The following EMSY variants were observed in gnomAD, a reference collection of about 807,000 sequenced individuals.
EMSY encodes the protein EMSY transcriptional repressor, BRCA2 interacting.
In EMSY, 26 loss-of-function variants were observed where a neutral mutation model predicts 134.6. That is an observed-to-expected ratio of 0.19 (90% CI 0.14 to 0.27). The LOEUF is 0.27. Among genes scored for constraint, EMSY ranks in the 10% least tolerant of loss-of-function variants. The pLI is 1.00. For synonymous variants in EMSY, 579 were observed against 577.8 expected (o/e 1.00, Z -0.03); for missense variants, 1,305 against 1,611.4 (o/e 0.81, Z 3.26).
intron 11 of EMSY, among the ~76,000 whole-genome samples, chr11:76,518,857 C>T (rs1186489812): frequency 3.1e-4 from 17 of 54,202 alleles, no homozygotes; most frequent in Non-Finnish European, 5.6e-4. Context: ...TATAGGCTGT[C>T]TTGTGTGTGT....
At chr11:76,496,139 T>C in intron 8 of EMSY, 76 bp from the exon 10 acceptor site, 1 of 1,441,548 alleles carries the variant, frequency 6.9e-7, no homozygotes, top group East Asian at 2.3e-5. Flanking sequence ...TAAACTATTA[T>C]CTACTATAAT....
At chr11:76,527,585 G>A (rs1950888749) in intron 13 of EMSY, among the ~76,000 whole-genome samples, 1 of 152,038 alleles carries the variant, frequency 6.6e-6, no homozygotes, top group Non-Finnish European at 1.5e-5. Context: ...GGCCCAGTTT[G>A]AAAATTTTCT....
intron 6 of EMSY, 80 bp downstream of exon 7, chr11:76,460,165 G>A: frequency 6.7e-7 from 1 of 1,499,764 alleles, no homozygotes; most frequent in South Asian, 1.2e-5. Flanking sequence ...TGCCTTCCTG[G>A]ATTAAATCAT....
exon 9 of EMSY, chr11:76,496,430 C>T (rs2135808623): frequency 1.9e-6 from 3 of 1,614,112 alleles, no homozygotes; most frequent in Non-Finnish European, 2.5e-6. Context: ...TCCTTTGCCA[C>T]CTGGTATTAA....
chr11:76,545,011 G>T, intron 19 of EMSY, 189 bp downstream of exon 20: 1 of 657,722 alleles, frequency 1.5e-6, no homozygotes, highest in Non-Finnish European at 2.5e-6. Flanking sequence ...GCATTAATAT[G>T]TAGGAAGAAA....
At chr11:76,483,972 AT>A (rs1355814029) in intron 8 of EMSY, among the ~76,000 whole-genome samples, 1 of 152,210 alleles carries the variant, frequency 6.6e-6, no homozygotes, top group African/African-American at 2.4e-5. Context: ...CATCACACTT[AT>A]TCTAAAACTG....
chr11:76,533,066 G>A (rs1590996471), intron 14 of EMSY, among the ~76,000 whole-genome samples: 2 of 152,120 alleles, frequency 1.3e-5, no homozygotes, highest in South Asian at 4.1e-4. Context: ...GGGCCTTGCT[G>A]TCTAGGCAAT....
At chr11:76,532,884 A>G (rs1304949053) in intron 14 of EMSY, among the ~76,000 whole-genome samples, 1 of 152,196 alleles carries the variant, frequency 6.6e-6, no homozygotes, top group Non-Finnish European at 1.5e-5. Flanking sequence ...GAATAAATCC[A>G]GGTTGAGCAG....
chr11:76,450,315 TCCGATAAAAG>T (rs1947606245), intron 2 of EMSY, among the ~76,000 whole-genome samples: 1 of 152,040 alleles, frequency 6.6e-6, no homozygotes. Context: ...CTATTCTGGG[TCCGATAAAAG>T]CTGAAACATG....
rs375024750 is a variant in EMSY at position 76,528,447 on chromosome 11, G to A, written c.2175G>A (p.Glu725=). 7 of 1,607,628 alleles carry A rather than the reference G, an allele frequency of 4.4e-6. No homozygotes were observed. In the African/African-American group the frequency reaches 8.0e-5, roughly 18 times the overall value. ...CAGATAGTAGTTCCTCTTCTACAGA[G>A]TCCTCCCAGAGTTCCCAAGGTAAGA... Residue 725 remains glutamate (E), a synonymous_variant, in exon 14 of 21, where the codon GAG becomes GAA. Transcript: ENST00000334736.
intron 11 of EMSY, among the ~76,000 whole-genome samples, chr11:76,518,512 G>C (rs1468403894): frequency 6.6e-6 from 1 of 151,462 alleles, no homozygotes; most frequent in South Asian, 2.1e-4. Flanking sequence ...AGACTAGAAG[G>C]CTTTAAAAAA....
Position 76,537,728 on chromosome 11 carries a change from T to A in EMSY, c.2360-67T>A, listed in dbSNP as rs998279940. The A allele has an allele frequency of 7.9e-6, 11 of 1,399,950 alleles. No homozygotes were observed. The Admixed American group carries it at 1.4e-4, about 18-fold the overall frequency. The allele number at this position is 1,399,950 out of a possible 1,614,324, so 86.7% of individuals were successfully genotyped here. On this transcript the variant is annotated intron_variant, in intron 15 of 20. Transcript: ENST00000334736. ...CCAGAGGTCTGGTTCATTATTCCTG[T>A]GGACAACTCTGGTTTTGGTACTTGT...
intron 6 of EMSY, among the ~76,000 whole-genome samples, chr11:76,462,223 T>A (rs528632539): frequency 2.0e-5 from 3 of 151,994 alleles, no homozygotes; most frequent in African/African-American, 7.2e-5. Context: ...TGGGCAACAG[T>A]GTGAGACTCC....
intron 8 of EMSY, among the ~76,000 whole-genome samples, chr11:76,488,149 T>G (rs1361518367): frequency 1.3e-5 from 2 of 152,218 alleles, no homozygotes; most frequent in African/African-American, 2.4e-5. Flanking sequence ...CAGTAGCCCA[T>G]TTTTTTGTGT....
chr11:76,523,252 C>T (rs769006493), exon 12 of EMSY: 6 of 1,613,452 alleles, frequency 3.7e-6, no homozygotes, highest in Non-Finnish European at 2.5e-6. Context: ...TTCAAGGCCT[C>T]CCGGGCAAAA....
intron 4 of EMSY, among the ~76,000 whole-genome samples, chr11:76,457,588 A>G (rs1007265816): frequency 2.0e-5 from 3 of 152,206 alleles, no homozygotes; most frequent in Non-Finnish European, 4.4e-5. Context: ...TGTTTTTAAC[A>G]GGAAGGATAA....
exon 18 of EMSY, chr11:76,542,351 C>A (rs1951469896): frequency 6.2e-7 from 1 of 1,614,128 alleles, no homozygotes. Context: ...GGAGCAATCA[C>A]CCACATTATG....
chr11:76,494,651 CTT>C (rs1949557127), intron 8 of EMSY, among the ~76,000 whole-genome samples: 1 of 1,830 alleles, frequency 5.5e-4, no homozygotes, highest in Admixed American at 5.6e-3. Flanking sequence ...TTTCCTTTCC[CTT>C]CCTTCCTTCC....
intron 17 of EMSY, among the ~76,000 whole-genome samples, chr11:76,541,416 A>G (rs908358586): frequency 6.6e-6 from 1 of 152,196 alleles, no homozygotes; most frequent in Non-Finnish European, 1.5e-5. Flanking sequence ...TTAACTCTTT[A>G]TATTTGTTTA....
Sources: gnomAD v4.1 joint callset for allele counts (sites outside exome capture counted in the v4.1 genomes callset) on GRCh38, gnomAD v4.1.1 for gene constraint, MANE v1.5 for transcripts, NCBI Gene and HGNC (gene_info 2026-07-23, HGNC 2026-07-21) for gene names.